AFF3: variants seen among roughly 807,000 people sequenced by gnomAD.
AFF3 encodes the protein ALF transcription elongation factor 3.
A neutral mutation model predicts 129.7 loss-of-function variants in AFF3; 32 were observed. The ratio of observed to expected loss-of-function variants is 0.25; its 90% confidence interval spans 0.19 to 0.33. AFF3 has a LOEUF of 0.33. Ranked by LOEUF, AFF3 falls within the 10% of genes least tolerant of loss-of-function variation. The probability of loss-of-function intolerance (pLI) is 1.00; values close to 1 mark genes in which losing one functional copy is unlikely to be tolerated. For missense variants in AFF3, 1,373 were observed against 1,592.0 expected, an observed-to-expected ratio of 0.86 and a Z score of 2.34; for synonymous variants, 644 against 635.4, an observed-to-expected ratio of 1.01 and a Z score of -0.20.
chr2:99,675,849 T>C (rs1222521212), intron 11 of AFF3, among the ~76,000 whole-genome samples: 1 of 152,158 alleles, frequency 6.6e-6, no homozygotes, highest in African/African-American at 2.4e-5. Context: ...ATTTTTATCA[T>C]TTGTCTGTTT....
At chr2:100,075,832 C>T (rs1161746118) in intron 4 of AFF3, among the ~76,000 whole-genome samples, 2 of 152,110 alleles carry the variant, frequency 1.3e-5, no homozygotes, top group Admixed American at 6.5e-5. Context: ...TTCCCACCCT[C>T]GATGAGATGT....
chr2:99,779,957 T>C (rs746245986), intron 8 of AFF3, among the ~76,000 whole-genome samples: 6 of 152,222 alleles, frequency 3.9e-5, no homozygotes, highest in Non-Finnish European at 2.9e-5. Flanking sequence ...ACTGAAAAGA[T>C]AGCCGCACAT....
chr2:100,032,629 T>C (rs1684593485), intron 4 of AFF3, among the ~76,000 whole-genome samples: 1 of 152,170 alleles, frequency 6.6e-6, no homozygotes, highest in Admixed American at 6.5e-5. Context: ...AGATATCTAG[T>C]ACAATTTTTT....
chr2:99,604,739 T>C (rs1680164504), intron 13 of AFF3, among the ~76,000 whole-genome samples: 1 of 152,050 alleles, frequency 6.6e-6, no homozygotes, highest in African/African-American at 2.4e-5. Flanking sequence ...GTTAGAAGGA[T>C]GGGGTTGGGG....
At chr2:99,858,452 G>A (rs1007438589) in intron 7 of AFF3, among the ~76,000 whole-genome samples, 1 of 151,894 alleles carries the variant, frequency 6.6e-6, no homozygotes, top group Non-Finnish European at 1.5e-5. Flanking sequence ...TCTGGAGACT[G>A]AGGTGGGAGG....
At chr2:99,904,997 C>A (rs981754165) in intron 7 of AFF3, among the ~76,000 whole-genome samples, 1 of 152,148 alleles carries the variant, frequency 6.6e-6, no homozygotes, top group Non-Finnish European at 1.5e-5. Flanking sequence ...CACTGCTGCT[C>A]CCACCACTGG....
intron 7 of AFF3, among the ~76,000 whole-genome samples, chr2:99,846,661 G>T (rs1021824819): frequency 2.0e-5 from 3 of 152,222 alleles, no homozygotes; most frequent in Admixed American, 2.0e-4. Flanking sequence ...GTGTCCCACA[G>T]TAAGATGGAT....
chr2:99,962,718 A>G (rs1032365456), intron 7 of AFF3, among the ~76,000 whole-genome samples: 9 of 152,040 alleles, frequency 5.9e-5, no homozygotes, highest in Non-Finnish European at 1.0e-4. Flanking sequence ...TCTAAACAGT[A>G]GAGAAAAAAT....
chr2:99,649,699 A>G, intron 12 of AFF3, 33 bp from the exon 13 acceptor site: 1 of 1,613,218 alleles, frequency 6.2e-7, no homozygotes. Context: ...ATGTTTATTT[A>G]ATATTCTGAC....
intron 7 of AFF3, among the ~76,000 whole-genome samples, chr2:99,942,188 A>G (rs1253764298): frequency 6.6e-6 from 1 of 152,136 alleles, no homozygotes; most frequent in Non-Finnish European, 1.5e-5. Context: ...TCACGCCCTC[A>G]AGCAAATGAC....
rs1351406437 is a variant in AFF3 at position 99,549,963 on chromosome 2, C to A, written c.*1511G>T. 2.2e-5 allele frequency: 5 copies of A among 226,424 alleles called. No homozygotes were observed. Among genetic ancestry groups the A allele is most frequent in the African/African-American group, 6.7e-5 (3 of 44,886 alleles). The allele number at this position is 226,424 out of a possible 1,614,324, so 14.0% of individuals were successfully genotyped here. ...ACACCGCCTGCCTTTCTCAGACCGT[C>A]CTGGTGCAACTTTATCAAGTAAGAG... is the stretch of plus-strand genomic sequence containing the variant. On this transcript the variant is annotated 3_prime_UTR_variant, in exon 25 of 25. Transcript: ENST00000672756.
At chr2:99,590,851 G>A (rs1312347338) in intron 15 of AFF3, among the ~76,000 whole-genome samples, 3 of 151,950 alleles carry the variant, frequency 2.0e-5, no homozygotes, top group Admixed American at 2.0e-4. Context: ...AAATTAGCCA[G>A]GCATGGTGGC....
chr2:99,690,113 C>CA (rs1275638655), intron 11 of AFF3, among the ~76,000 whole-genome samples: 1 of 148,584 alleles, frequency 6.7e-6, no homozygotes, highest in Non-Finnish European at 1.5e-5. Context: ...CCCCCACCCC[C>CA]AAAAAAACCC....
At chr2:100,141,085 T>C (rs1430784135) in intron 1 of AFF3, among the ~76,000 whole-genome samples, 1 of 152,218 alleles carries the variant, frequency 6.6e-6, no homozygotes, top group Non-Finnish European at 1.5e-5. Flanking sequence ...ATTAGCTTAT[T>C]TAATTCTTAA....
chr2:99,865,132 C>T (rs1691285747), intron 7 of AFF3, among the ~76,000 whole-genome samples: 1 of 152,150 alleles, frequency 6.6e-6, no homozygotes. Flanking sequence ...AGTTAAGCAA[C>T]GGTCGGGTGA....
intron 13 of AFF3, among the ~76,000 whole-genome samples, chr2:99,636,335 G>A (rs367693354): frequency 2.0e-5 from 3 of 152,114 alleles, no homozygotes; most frequent in Non-Finnish European, 2.9e-5. Context: ...GGGCTTCATC[G>A]AGGCCCTGTC....
At chr2:99,786,672 A>G (rs1684814922) in intron 8 of AFF3, among the ~76,000 whole-genome samples, 1 of 152,148 alleles carries the variant, frequency 6.6e-6, no homozygotes, top group Admixed American at 6.5e-5. Context: ...AGTGCTATAA[A>G]GTTGCATAGT....
chr2:99,766,711 T>TA (rs1388609049), intron 8 of AFF3, among the ~76,000 whole-genome samples: 10 of 152,038 alleles, frequency 6.6e-5, no homozygotes, highest in Admixed American at 6.5e-4. Flanking sequence ...TTGAAGAAAA[T>TA]AGAGTTTTCT....
chr2:99,637,505 G>A (rs1387041548), intron 13 of AFF3, among the ~76,000 whole-genome samples: 1 of 152,128 alleles, frequency 6.6e-6, no homozygotes, highest in Non-Finnish European at 1.5e-5. Flanking sequence ...GGCTCAATGA[G>A]AATGGGGACG....
Sources: allele counts gnomAD v4.1 joint callset (sites outside exome capture counted in the v4.1 genomes callset), GRCh38; gene constraint gnomAD v4.1.1; transcripts MANE v1.5; gene names NCBI Gene and HGNC (gene_info 2026-07-23, HGNC 2026-07-21).